Variants in ELAVL1 observed in about 807,000 individuals in gnomAD.
ELAVL1 encodes ELAV like RNA binding protein 1, also known as ELAV-like protein 1.
In ELAVL1, 1 loss-of-function variant was observed where a neutral mutation model predicts 28.4. The ratio of observed to expected loss-of-function variants is 0.04; its 90% CI spans 0.01 to 0.17. The LOEUF (loss-of-function observed/expected upper bound fraction) is 0.17. Among genes scored for constraint, ELAVL1 ranks in the 10% least tolerant of loss-of-function variants. ELAVL1 has a pLI of 1.00. For synonymous variants in ELAVL1, 174 were observed against 183.5 expected, an observed-to-expected ratio of 0.95 and a Z score of 0.42; for missense variants, 157 against 447.2, an observed-to-expected ratio of 0.35 and a Z score of 5.85.
chr19:7,966,309 G>A (rs1219361402), intron 5 of ELAVL1, among the ~76,000 whole-genome samples: 3 of 152,220 alleles, frequency 2.0e-5, no homozygotes, highest in Non-Finnish European at 4.4e-5. Flanking sequence ...TTTCTGAGGC[G>A]ACAGCACACC....
chr19:7,976,294 C>G (rs549571539), intron 3 of ELAVL1, among the ~76,000 whole-genome samples: 2 of 150,708 alleles, frequency 1.3e-5, no homozygotes, highest in Admixed American at 6.6e-5. Context: ...CCCAGCTACT[C>G]GGGAGGCTGA....
chr19:7,985,434 G>A (rs1165795994), intron 2 of ELAVL1, among the ~76,000 whole-genome samples: 2 of 152,154 alleles, frequency 1.3e-5, no homozygotes, highest in Non-Finnish European at 2.9e-5. Context: ...ACCCCATCCC[G>A]GGACCCAGGA....
chr19:7,971,699 C>A (rs1163136221), intron 4 of ELAVL1, among the ~76,000 whole-genome samples: 1 of 152,214 alleles, frequency 6.6e-6, no homozygotes. Context: ...TGCCAGGGCG[C>A]GAGTCTGTGC....
At chr19:8,001,260 C>T (rs900904491) in intron 1 of ELAVL1, among the ~76,000 whole-genome samples, 8 of 152,162 alleles carry the variant, frequency 5.3e-5, no homozygotes, top group African/African-American at 1.2e-4. Flanking sequence ...CTCTTCAAAC[C>T]GCCTCCGCCC....
rs953726475 is a variant in ELAVL1, at chr19:8,005,629, C to T, written c.-151G>A. The T allele has an allele frequency of 1.3e-5, 2 of 149,370 alleles. No individual in the cohort carries two copies. Among genetic ancestry groups the T allele is most frequent in the African/African-American group, 4.9e-5 (2 of 40,970 alleles). The allele number at this position is 149,370 out of a possible 1,614,324, so 9.3% of individuals were successfully genotyped here. On this transcript the variant is annotated 5_prime_UTR_variant, in exon 1 of 6. Transcript: ENST00000407627. ...GACGGCGACGGCGGCAGCGGCTCCT[C>T]CTCAGCGCGCACGACCCGCTCCGGC...
At chr19:7,996,598 G>A (rs2081050067) in intron 1 of ELAVL1, among the ~76,000 whole-genome samples, 1 of 151,962 alleles carries the variant, frequency 6.6e-6, no homozygotes, top group Non-Finnish European at 1.5e-5. Flanking sequence ...CTGAGGTCAG[G>A]AGTTTGAGAC....
At chr19:7,991,934 T>TC in intron 1 of ELAVL1, 103 bp from the exon 2 acceptor site, 1 of 767,724 alleles carries the variant, frequency 1.3e-6, no homozygotes, top group Non-Finnish European at 1.8e-6. Flanking sequence ...CTTTCTTTCT[T>TC]TTTTTTTTTT....
rs1984737466 is a variant in ELAVL1, at chr19:7,959,160, A to G, written c.*4323T>C. Reference sequence around the variant, plus strand: ...TAAAAAGCTTAAAAGTTACATAGGCATCTTCAAAAGAACACAATGGGATTC... The same window carrying G: ...TAAAAAGCTTAAAAGTTACATAGGCGTCTTCAAAAGAACACAATGGGATTC... On this transcript the variant is annotated 3_prime_UTR_variant, in exon 6 of 6. Coordinates refer to ENST00000407627, the MANE Select transcript of ELAVL1 (RefSeq NM_001419.3). 1 of 152,454 alleles carries G rather than the reference A, an allele frequency of 6.6e-6. No individual in the cohort carries two copies. The highest frequency in any genetic ancestry group is 6.6e-5 in the Admixed American group (1 of 15,246). 9.4% of individuals were successfully genotyped at this position (152,454 alleles called of 1,614,324 possible). A position where few individuals can be genotyped will look rare whatever the true frequency, so the allele number is the denominator to read the frequency against.
chr19:7,971,780 G>C (rs1985119099), intron 4 of ELAVL1, among the ~76,000 whole-genome samples: 1 of 152,222 alleles, frequency 6.6e-6, no homozygotes, highest in Non-Finnish European at 1.5e-5. Flanking sequence ...GCCCCAGCGG[G>C]AACGAAGGCC....
chr19:7,964,080 T>G (rs2145198573), intron 5 of ELAVL1, among the ~76,000 whole-genome samples: 1 of 152,318 alleles, frequency 6.6e-6, no homozygotes, highest in South Asian at 2.1e-4. Flanking sequence ...GGTTTCTGTT[T>G]AGGGGTTCCT....
intron 5 of ELAVL1, among the ~76,000 whole-genome samples, chr19:7,966,665 G>A (rs1193709853): frequency 1.3e-5 from 2 of 152,096 alleles, no homozygotes; most frequent in African/African-American, 4.8e-5. Context: ...TATCACCCAG[G>A]CTGCAGTGCA....
intron 1 of ELAVL1, among the ~76,000 whole-genome samples, chr19:7,996,566 G>A (rs1438991922): frequency 6.6e-6 from 1 of 151,450 alleles, no homozygotes; most frequent in Non-Finnish European, 1.5e-5. Flanking sequence ...AGCACTTTGG[G>A]AGGCCGAGGT....
rs751929811 is a variant in ELAVL1 at position 7,982,927 on chromosome 19, C to T, written c.173-1741G>A. On this transcript the variant is annotated intron_variant, in intron 2 of 5. Coordinates refer to ENST00000407627, the MANE Select transcript of ELAVL1 (RefSeq NM_001419.3). This position sits in a 1 kb window ranked among gnomAD's most constrained non-coding sequence, Gnocchi z 4.3. ...GTCACACGATGTCAAGGGCACAGGC[C>T]GTCAACGTGACTTATGGCTGCTGGT... 9.2e-5 allele frequency among the ~76,000 whole-genome samples: 14 copies of T among 152,202 alleles called. No individual in the cohort carries two copies. The highest frequency in any genetic ancestry group is 1.3e-4 in the Admixed American group (2 of 15,278).
intron 2 of ELAVL1, among the ~76,000 whole-genome samples, chr19:7,988,505 G>GGGA (rs931966723): frequency 2.0e-5 from 3 of 152,208 alleles, no homozygotes; most frequent in African/African-American, 7.2e-5. Flanking sequence ...TTAGACAGGT[G>GGGA]GGAGGAGGAG....
chr19:7,976,564 C>A (rs1985298790), intron 3 of ELAVL1, among the ~76,000 whole-genome samples: 1 of 152,202 alleles, frequency 6.6e-6, no homozygotes, highest in South Asian at 2.1e-4. Context: ...CCAGCCTCCA[C>A]CAGAAGCTGT....
chr19:7,965,272 G>A (rs993667486), intron 5 of ELAVL1, among the ~76,000 whole-genome samples: 1 of 152,106 alleles, frequency 6.6e-6, no homozygotes, highest in African/African-American at 2.4e-5. Flanking sequence ...AGAAGAAAGG[G>A]TCTATGTTGT....
At chr19:7,973,935 G>A (rs1386051776) in intron 3 of ELAVL1, 57 bp from the exon 4 acceptor site, 16 of 1,594,330 alleles carry the variant, frequency 1.0e-5, no homozygotes, top group Non-Finnish European at 1.4e-5. Context: ...AAGCATTGAG[G>A]AGGGTGTTGA....
Position 7,967,707 on chromosome 19 carries a change from G to T in ELAVL1, c.514C>A (p.Pro172Thr), listed in dbSNP as rs1418897226. ...GTGATGGGCTCAGAGGAACCTGGGG[G>T]TTTATGACCATTGAAACTGGTAATT... is the stretch of plus-strand genomic sequence containing the variant. ...EAITSFNGHK[P>T]PGSSEPITVK... The change falls in exon 5 of 6, where the codon CCC (proline) becomes ACC (threonine). Residue 172 changes from proline to threonine, a missense_variant. Pro to Thr is a conservative substitution (Grantham distance 38). Coordinates refer to ENST00000407627, the MANE Select transcript of ELAVL1 (RefSeq NM_001419.3). The T allele has an allele frequency of 6.2e-7, 1 of 1,614,176 alleles. No individual in the cohort carries two copies. Among genetic ancestry groups the T allele is most frequent in the Admixed American group, 1.7e-5 (1 of 60,020 alleles).
chr19:7,967,704 G>A lies in ELAVL1; in HGVS notation c.517C>T (p.Pro173Ser), dbSNP rs376219740. 4.8e-5 allele frequency: 78 copies of A among 1,614,092 alleles called. No individual in the cohort carries two copies. The highest frequency in any genetic ancestry group is 6.4e-5 in the Non-Finnish European group (75 of 1,180,056). The stretch of plus-strand genomic sequence containing the variant: ...ACTGTGATGGGCTCAGAGGAACCTG[G>A]GGGTTTATGACCATTGAAACTGGTA... Reference protein sequence around the residue: ...AITSFNGHKPPGSSEPITVKF... With the variant: ...AITSFNGHKPSGSSEPITVKF... Residue 173 changes from proline to serine, a missense_variant, in exon 5 of 6, where the codon CCA becomes TCA. Physicochemically the swap from Pro to Ser is moderately conservative, Grantham distance 74. Coordinates refer to ENST00000407627, the MANE Select transcript of ELAVL1 (RefSeq NM_001419.3).
Sources: allele counts gnomAD v4.1 joint callset (sites outside exome capture counted in the v4.1 genomes callset), GRCh38; gene constraint gnomAD v4.1.1; non-coding constraint Gnocchi (gnomAD v3.1); transcripts MANE v1.5; gene names NCBI Gene and HGNC (gene_info 2026-07-23, HGNC 2026-07-21).